CARF: variants seen among roughly 807,000 people sequenced by gnomAD.
CARF encodes calcium responsive transcription factor.
CARF carries 57 observed loss-of-function variants against 82.0 expected under a neutral mutation model. That is an observed-to-expected ratio of 0.70 (90% CI 0.56 to 0.87). The LOEUF (loss-of-function observed/expected upper bound fraction) is 0.87. CARF is among the 40% of genes least tolerant of loss of function. CARF has a pLI of 0.00. For missense variants in CARF, 771 were observed against 855.8 expected (o/e 0.90, Z 1.24); for synonymous variants, 268 against 290.1 (o/e 0.92, Z 0.77).
intron 16 of CARF, 90 bp downstream of exon 16, chr2:202,982,531 C>T (rs970779807): frequency 7.1e-6 from 10 of 1,417,528 alleles, no homozygotes; most frequent in Non-Finnish European, 9.6e-6. Flanking sequence ...ATTATTTCTA[C>T]CCAGTGGGTC....
rs754059797 is a variant in CARF, at chr2:202,971,511, T to C, written c.1104T>C (p.Tyr368=). The C allele has an allele frequency of 3.1e-6, 5 of 1,595,892 alleles. No individual in the cohort carries two copies. Among genetic ancestry groups the C allele is most frequent in the Non-Finnish European group, 4.3e-6 (5 of 1,165,962 alleles). The change falls in exon 12 of 17, where the codon TAT becomes TAC. Residue 368 remains tyrosine (Y), a synonymous_variant. Coordinates refer to ENST00000438828, the MANE Select transcript of CARF (RefSeq NM_024744.17). ...AAATATTTTCTCTTACCAGGTGGTA[T>C]GTACAGTTACCTACACAGCAAGCTC... The part of the protein sequence containing the change: ...LVDAGGVLRW[Y]VQLPTQQAHQ...
At position 202,954,123 on chromosome 2, in the gene CARF, G is replaced by A. The variant is rs1388163017; in HGVS notation, c.546G>A (p.Lys182=). ...AAACATCCTTCCCATTGCCCAAAAA[G>A]TCAGTGACCGGGTGAGTCCACGGGA... ...HPQTSFPLPK[K]SVTGMLEEPL... is the part of the protein sequence containing the mutation. Residue 182 remains lysine (K), a synonymous_variant, in exon 7 of 17, where the codon AAG becomes AAA. Transcript: ENST00000438828. 40 of 1,612,716 alleles carry A rather than the reference G, an allele frequency of 2.5e-5. No homozygotes were observed. In the Admixed American group the frequency reaches 6.7e-4, roughly 27 times the overall value.
chr2:202,968,488 T>G (rs534434000), intron 10 of CARF, among the ~76,000 whole-genome samples: 1 of 152,260 alleles, frequency 6.6e-6, no homozygotes, highest in East Asian at 1.9e-4. Flanking sequence ...AATCCTGCAA[T>G]ATTAACTTTA....
At chr2:202,934,400 A>C (rs1285528185) in intron 3 of CARF, 1 of 152,134 alleles carries the variant, frequency 6.6e-6, no homozygotes, top group East Asian at 1.9e-4. Flanking sequence ...TATGTAATAC[A>C]TTTGTCAATT....
rs1317141939 is a variant in CARF, at chr2:202,986,590, C to A, written c.*2966C>A. On this transcript the variant is annotated 3_prime_UTR_variant, in exon 17 of 17. Transcript: ENST00000438828. ...TAAATACAGCCATGGTGGACCTTTC[C>A]CTCAATAGTGATTTTTTGTACAAAC... The A allele has an allele frequency of 6.6e-6, 1 of 151,414 alleles. No homozygotes were observed. 9.4% of individuals were successfully genotyped at this position (151,414 alleles called of 1,614,324 possible).
chr2:202,922,255 G>A (rs376116928), intron 2 of CARF, among the ~76,000 whole-genome samples: 8 of 152,040 alleles, frequency 5.3e-5, no homozygotes, highest in South Asian at 2.1e-4. Context: ...CTGGGACCAC[G>A]ACACATGCCA....
chr2:202,983,555 A>C lies in CARF; in HGVS notation c.2109A>C (p.Glu703Asp). The change falls in exon 17 of 17, where the codon GAA becomes GAC. Residue 703 changes from glutamate to aspartate, a missense_variant. Glu to Asp is a conservative substitution (Grantham distance 45, BLOSUM62 2). Transcript: ENST00000438828. ...TTTCTGTGAGCCAAGTTAAACAAGA[A>C]CCCAAAGAACCAGCATTGTCTATGG... ...STISVSQVKQ[E>D]PKEPALSMEA... 6.2e-7 allele frequency: 1 copy of C among 1,612,230 alleles called. No homozygotes were observed. The highest frequency in any genetic ancestry group is 8.5e-7 in the Non-Finnish European group (1 of 1,179,374).
At chr2:202,949,100 C>T (rs1442706365) in intron 5 of CARF, among the ~76,000 whole-genome samples, 1 of 152,112 alleles carries the variant, frequency 6.6e-6, no homozygotes, top group East Asian at 1.9e-4. Context: ...CTTTGGGAGG[C>T]TGAGGTGGGC....
At chr2:202,976,504 C>G (rs2060034866) in intron 13 of CARF, among the ~76,000 whole-genome samples, 1 of 152,032 alleles carries the variant, frequency 6.6e-6, no homozygotes, top group South Asian at 2.1e-4. Context: ...GTAGTTTCTC[C>G]CTGAATATTA....
chr2:202,972,365 G>A (rs1213219163), intron 12 of CARF, among the ~76,000 whole-genome samples: 1 of 151,992 alleles, frequency 6.6e-6, no homozygotes, highest in Non-Finnish European at 1.5e-5. Context: ...GTCTCAGAGT[G>A]GTTAAATAAT....
intron 5 of CARF, among the ~76,000 whole-genome samples, chr2:202,947,698 G>C (rs1169239707): frequency 6.6e-6 from 1 of 152,096 alleles, no homozygotes; most frequent in Admixed American, 6.6e-5. Flanking sequence ...CTTTTCAATG[G>C]TGTTGTTTTT....
rs775830482 is a variant in CARF at position 202,942,100 on chromosome 2, G to A, written c.78+120G>A. 226 of 737,428 alleles carry A rather than the reference G, an allele frequency of 3.1e-4. 2 individuals are homozygous for A. Among genetic ancestry groups the A allele is most frequent in the Non-Finnish European group, 4.4e-4 (195 of 444,828 alleles). The allele number at this position is 737,428 out of a possible 1,614,324, so 45.7% of individuals were successfully genotyped here. A position where few individuals can be genotyped will look rare whatever the true frequency, so the allele number is the denominator to read the frequency against. On this transcript the variant is annotated intron_variant, in intron 4 of 16. Coordinates refer to ENST00000438828, the MANE Select transcript of CARF (RefSeq NM_024744.17). The stretch of plus-strand genomic sequence containing the variant: ...TGTATTCAAGAATTTTGAGCTGGGC[G>A]TGGTGGCTGACACCTGTGATCCCAG...
intron 3 of CARF, among the ~76,000 whole-genome samples, chr2:202,940,883 G>A (rs2058197930): frequency 6.6e-6 from 1 of 152,046 alleles, no homozygotes; most frequent in South Asian, 2.1e-4. Context: ...TTGTAGCAGA[G>A]CCTGGACACA....
intron 5 of CARF, among the ~76,000 whole-genome samples, chr2:202,944,003 T>C (rs2058371399): frequency 6.6e-6 from 1 of 152,208 alleles, no homozygotes; most frequent in South Asian, 2.1e-4. Flanking sequence ...CTTTCTGGTA[T>C]GTTTTCTTGA....
chr2:202,936,824 T>A (rs992718859), intron 3 of CARF, among the ~76,000 whole-genome samples: 6 of 152,226 alleles, frequency 3.9e-5, no homozygotes, highest in African/African-American at 1.4e-4. Flanking sequence ...AATTTATCTG[T>A]TTTCTCTTTT....
At chr2:202,932,091 C>G (rs72926767) in intron 3 of CARF, among the ~76,000 whole-genome samples, 14,001 of 152,112 alleles carry the variant, frequency 0.092, 758 homozygotes, top group Non-Finnish European at 0.12. Flanking sequence ...AGGAGGAAGA[C>G]AAAGAGTGGG....
Position 202,986,359 on chromosome 2 carries a change from TG to T in CARF, c.*2737del, listed in dbSNP as rs2060426194. 1 of 152,164 alleles carries T rather than the reference TG, an allele frequency of 6.6e-6. No homozygotes were observed. The highest frequency in any genetic ancestry group is 2.1e-4 in the South Asian group (1 of 4,832). 9.4% of individuals were successfully genotyped at this position (152,164 alleles called of 1,614,324 possible). On this transcript the variant is annotated 3_prime_UTR_variant, in exon 17 of 17. Transcript: ENST00000438828. The stretch of plus-strand genomic sequence containing the variant: ...CTTCTAAAATTTTCAGTATCTATAT[TG>T]GCTTTCTCTAACAGCTCTACAGCAA...
chr2:202,922,556 A>C (rs937798404), intron 2 of CARF, among the ~76,000 whole-genome samples: 2 of 152,216 alleles, frequency 1.3e-5, no homozygotes, highest in African/African-American at 2.4e-5. Flanking sequence ...TAATCCCAGC[A>C]CTTTGGGAAG....
chr2:202,954,331 C>G (rs866344836), intron 7 of CARF, among the ~76,000 whole-genome samples, 197 bp downstream of exon 7: 19 of 152,316 alleles, frequency 1.2e-4, no homozygotes, highest in Admixed American at 4.6e-4. Context: ...AAAAGTGCCA[C>G]TTTTCCTCAG....
Sources: gnomAD v4.1 joint callset for allele counts (sites outside exome capture counted in the v4.1 genomes callset) on GRCh38, gnomAD v4.1.1 for gene constraint, MANE v1.5 for transcripts, NCBI Gene and HGNC (gene_info 2026-07-23, HGNC 2026-07-21) for gene names.